The following ACTN4 variants were observed in gnomAD, a reference collection of about 807,000 sequenced individuals.
The protein encoded by ACTN4 is alpha-actinin-4.
A neutral mutation model predicts 114.2 loss-of-function variants in ACTN4; 18 were observed. That is an observed-to-expected ratio of 0.16 (90% CI 0.11 to 0.23). The LOEUF (loss-of-function observed/expected upper bound fraction) is 0.23, where lower values mean the gene tolerates loss of function less well. Ranked by LOEUF, ACTN4 falls within the 10% of genes least tolerant of loss-of-function variation. The pLI, the probability that ACTN4 is intolerant of heterozygous loss-of-function variation, is 1.00. For synonymous variants in ACTN4, 515 were observed against 506.3 expected (o/e 1.02, Z -0.23); for missense variants, 722 against 1,262.9 (o/e 0.57, Z 6.49).
chr19:38,664,445 C>A (rs1966895800), intron 1 of ACTN4, among the ~76,000 whole-genome samples: 1 of 152,106 alleles, frequency 6.6e-6, no homozygotes, highest in South Asian at 2.1e-4. Context: ...TGTGTGGTTT[C>A]AGATGTGTTT....
At position 38,673,755 on chromosome 19, in the gene ACTN4, TTTTA is replaced by T. The variant is rs1273133568; in HGVS notation, c.162+25850_162+25853del. 2.1e-3 allele frequency among the ~76,000 whole-genome samples: 112 copies of T among 52,488 alleles called. 12 individuals carry two copies. The highest frequency in any genetic ancestry group is 5.0e-3 in the East Asian group (8 of 1,598). The allele number at this position is 52,488 out of a possible 152,430, so 34.4% of individuals were successfully genotyped here. On this transcript the variant is annotated intron_variant, in intron 1 of 20. Transcript: ENST00000252699. ...TATATATTTATATATTTATATATATTTTTATATATATATATTTATATATGTATAA... is the reference window on the plus strand; with the variant it reads ...TATATATTTATATATTTATATATATTTATATATATATTTATATATGTATAA...
chr19:38,671,635 G>A (rs568650493), intron 1 of ACTN4, among the ~76,000 whole-genome samples: 3 of 152,294 alleles, frequency 2.0e-5, no homozygotes, highest in South Asian at 4.1e-4. Flanking sequence ...TAGTAGATGT[G>A]CAATGAATTT....
rs945288928 is a variant in ACTN4, at chr19:38,727,359, C to T, written c.2337+256C>T. The stretch of plus-strand genomic sequence containing the variant: ...CTTCTGGGGTGGCATCCTCACCACC[C>T]CCAGGGCAGATGAAGTCTCAGCACA... On this transcript the variant is annotated intron_variant, in intron 18 of 20. Coordinates refer to ENST00000252699, the MANE Select transcript of ACTN4 (RefSeq NM_004924.6). This position sits in a 1 kb window ranked among gnomAD's most constrained non-coding sequence, Gnocchi z 5.4. Among the ~76,000 whole-genome samples the T allele has an allele frequency of 5.3e-5, 8 of 152,160 alleles. No individual in the cohort carries two copies. The highest frequency in any genetic ancestry group is 1.2e-4 in the Non-Finnish European group (8 of 68,010).
At chr19:38,721,259 A>G (rs1367690144) in intron 11 of ACTN4, among the ~76,000 whole-genome samples, 1 of 152,208 alleles carries the variant, frequency 6.6e-6, no homozygotes, top group Non-Finnish European at 1.5e-5. Flanking sequence ...TCCTACTAAC[A>G]AAAGTTGCTA....
At chr19:38,689,863 C>G (rs1385174298) in intron 1 of ACTN4, among the ~76,000 whole-genome samples, 1 of 151,964 alleles carries the variant, frequency 6.6e-6, no homozygotes, top group South Asian at 2.1e-4. Flanking sequence ...TAGTTAGAGA[C>G]GAGGTTTCAC....
At position 38,673,645 on chromosome 19, in the gene ACTN4, ATT is replaced by A. The variant is rs1210849190; in HGVS notation, c.162+25740_162+25741del. ...TATATATTCATATATATTTATATATATTTATATATTTATATATATTATATATA... is the reference window on the plus strand; with the variant it reads ...TATATATTCATATATATTTATATATATATATATTTATATATATTATATATA... On this transcript the variant is annotated intron_variant, in intron 1 of 20. Coordinates refer to ENST00000252699, the MANE Select transcript of ACTN4 (RefSeq NM_004924.6). 4.2e-5 allele frequency among the ~76,000 whole-genome samples: 2 copies of A among 47,800 alleles called. 1 individual carries two copies. Among genetic ancestry groups the A allele is most frequent in the Non-Finnish European group, 9.0e-5 (2 of 22,218 alleles). 31.4% of individuals were successfully genotyped at this position (47,800 alleles called of 152,430 possible).
intron 1 of ACTN4, among the ~76,000 whole-genome samples, chr19:38,692,972 A>AG (rs1357217301): frequency 6.6e-6 from 1 of 152,006 alleles, no homozygotes; most frequent in Admixed American, 6.6e-5. Flanking sequence ...GGTGCTAGGG[A>AG]GCTCCGTCTG....
At position 38,694,219 on chromosome 19, in the gene ACTN4, C is replaced by T. The variant is rs114214317; in HGVS notation, c.163-6381C>T. ...TTGCTCTGCCTGCCTGCCTTGTTCT[C>T]TGAGTTTACCTCTAGCTTGGGGACC... On this transcript the variant is annotated intron_variant, in intron 1 of 20. Coordinates refer to ENST00000252699, the MANE Select transcript of ACTN4 (RefSeq NM_004924.6). Among the ~76,000 whole-genome samples, 384 of 150,746 alleles carry T rather than the reference C, an allele frequency of 2.5e-3. 1 individual carries two copies. The highest frequency in any genetic ancestry group is 9.0e-3 in the African/African-American group (369 of 41,176).
chr19:38,730,016 C>G lies in ACTN4; in HGVS notation c.*584C>G. 1 of 267,648 alleles carries G rather than the reference C, an allele frequency of 3.7e-6. No homozygotes were observed. The highest frequency in any genetic ancestry group is 3.6e-5 in the South Asian group (1 of 27,700). The allele number at this position is 267,648 out of a possible 1,614,324, so 16.6% of individuals were successfully genotyped here. A position where few individuals can be genotyped will look rare whatever the true frequency, so the allele number is the denominator to read the frequency against. On this transcript the variant is annotated 3_prime_UTR_variant, in exon 21 of 21. Transcript: ENST00000252699. ...GAGCTGAGTTGGCAGACCGGGCCCC[C>G]CTGAACCGCACCCCATCCCACCAGC... is the stretch of plus-strand genomic sequence containing the variant.
At chr19:38,713,170 T>TTCTG (rs1166962174) in intron 8 of ACTN4, among the ~76,000 whole-genome samples, 1 of 152,158 alleles carries the variant, frequency 6.6e-6, no homozygotes, top group African/African-American at 2.4e-5. Flanking sequence ...AGTGTGCCCA[T>TTCTG]TCTGTCCTGA....
chr19:38,656,343 G>T (rs1599759555), intron 1 of ACTN4, among the ~76,000 whole-genome samples: 1 of 152,066 alleles, frequency 6.6e-6, no homozygotes, highest in East Asian at 1.9e-4. Context: ...GCCTCCCAAA[G>T]TCTTGGGATT....
rs980342621 is a variant in ACTN4, at chr19:38,731,481, C to T, written c.*2049C>T. 4 of 541,578 alleles carry T rather than the reference C, an allele frequency of 7.4e-6. No individual in the cohort carries two copies. Among genetic ancestry groups the T allele is most frequent in the South Asian group, 6.3e-5 (3 of 47,864 alleles). 33.5% of individuals were successfully genotyped at this position (541,578 alleles called of 1,614,324 possible). ...GCTCAGGACAGCGTCTGACACGTGA[C>T]TCGATGTGTGGGTACTGTTACTCCT... is the stretch of plus-strand genomic sequence containing the variant. On this transcript the variant is annotated 3_prime_UTR_variant, in exon 21 of 21. Transcript: ENST00000252699.
intron 1 of ACTN4, among the ~76,000 whole-genome samples, chr19:38,697,359 G>A (rs776816063): frequency 3.3e-5 from 5 of 152,232 alleles, no homozygotes; most frequent in African/African-American, 7.2e-5. Context: ...GCTTATGTGC[G>A]TGTGTACATG....
intron 4 of ACTN4, among the ~76,000 whole-genome samples, chr19:38,705,660 A>G (rs1246532445): frequency 6.6e-6 from 1 of 152,214 alleles, no homozygotes; most frequent in Admixed American, 6.5e-5. Flanking sequence ...CACCTTGTTC[A>G]AAAGAGGCCA....
At chr19:38,712,186 T>G (rs1968678644) in intron 8 of ACTN4, among the ~76,000 whole-genome samples, 1 of 152,142 alleles carries the variant, frequency 6.6e-6, no homozygotes, top group African/African-American at 2.4e-5. Flanking sequence ...TAGGCGCAGT[T>G]AGCCCCATTT....
chr19:38,714,973 C>T (rs883394), intron 9 of ACTN4, among the ~76,000 whole-genome samples: 52,404 of 152,104 alleles, frequency 0.34, 10,898 homozygotes, highest in Non-Finnish European at 0.46. Context: ...AGGTGCTTAA[C>T]GAGCAGCCCA....
chr19:38,730,823 T>G lies in ACTN4; in HGVS notation c.*1391T>G, dbSNP rs993152543. The G allele has an allele frequency of 5.4e-5, 84 of 1,550,434 alleles. No individual in the cohort carries two copies. The highest frequency in any genetic ancestry group is 6.4e-5 in the Non-Finnish European group (73 of 1,147,044). On this transcript the variant is annotated 3_prime_UTR_variant, in exon 21 of 21. Coordinates refer to ENST00000252699, the MANE Select transcript of ACTN4 (RefSeq NM_004924.6). ...GTGGTCTTGCTCAGCAACCCTGCCC[T>G]GAGCAGCAGGTGCGCCCATCCGGAG...
chr19:38,695,985 A>G (rs1262166200), intron 1 of ACTN4, among the ~76,000 whole-genome samples: 1 of 151,404 alleles, frequency 6.6e-6, no homozygotes, highest in Non-Finnish European at 1.5e-5. Context: ...AAGCCACTTC[A>G]CCTCTCAGGC....
intron 1 of ACTN4, among the ~76,000 whole-genome samples, chr19:38,657,928 A>G (rs1976760263): frequency 6.6e-6 from 1 of 152,202 alleles, no homozygotes; most frequent in Non-Finnish European, 1.5e-5. Flanking sequence ...TTCTATGATC[A>G]ATCTCCATCT....
Sources: gnomAD v4.1 joint callset for allele counts (sites outside exome capture counted in the v4.1 genomes callset) on GRCh38, gnomAD v4.1.1 for gene constraint, Gnocchi (gnomAD v3.1) non-coding constraint, MANE v1.5 for transcripts, NCBI Gene and HGNC (gene_info 2026-07-23, HGNC 2026-07-21) for gene names.